The following CLCC1 variants were observed in gnomAD, a reference collection of about 807,000 sequenced individuals.
CLCC1 encodes chloride channel CLIC like 1.
CLCC1 carries 39 observed loss-of-function variants against 63.3 expected under a neutral mutation model. That is an observed-to-expected ratio of 0.62 (90% CI 0.48 to 0.81). The LOEUF is 0.81. Ranked by LOEUF, CLCC1 falls within the 30% of genes least tolerant of loss-of-function variation. The pLI, the probability that CLCC1 is intolerant of heterozygous loss-of-function variation, is 0.00. For missense variants in CLCC1, 549 were observed against 669.4 expected, an observed-to-expected ratio of 0.82 and a Z score of 1.98; for synonymous variants, 217 against 239.8, an observed-to-expected ratio of 0.90 and a Z score of 0.88.
intron 4 of CLCC1, 69 bp downstream of exon 4, chr1:108,949,751 G>A: frequency 2.5e-6 from 2 of 789,336 alleles, no homozygotes; most frequent in South Asian, 2.2e-5. Context: ...AAATTTATCA[G>A]CAGAGACAAG....
rs34131552 is a variant in CLCC1, at chr1:108,950,512, GTTA to G, written c.-11-67_-11-65del. ...TTTTTTTAAATAAATTGGGTTTTGG[GTTA>G]TTATTATTATTATTATTATTTTTAG... On this transcript the variant is annotated intron_variant, in intron 2 of 12. Transcript: ENST00000369969. The G allele has an allele frequency of 2.9e-3, 1,897 of 657,706 alleles. 1 individual carries two copies. The highest frequency in any genetic ancestry group is 5.9e-3 in the South Asian group (156 of 26,272). The allele number at this position is 657,706 out of a possible 1,614,324, so 40.7% of individuals were successfully genotyped here. A position where few individuals can be genotyped will look rare whatever the true frequency, so the allele number is the denominator to read the frequency against.
rs370742816 is a variant in CLCC1, at chr1:108,929,857, A to G, written c.*2690T>C. On this transcript the variant is annotated 3_prime_UTR_variant, in exon 13 of 13. Transcript: ENST00000369969. ...TTTACAAAGAGATCAAAACAGAGAC[A>G]CTGACTTTGGGCTAAAGGACTTTTT... is the stretch of plus-strand genomic sequence containing the variant. The G allele has an allele frequency of 4.3e-6, 7 of 1,613,940 alleles. No individual in the cohort carries two copies. The highest frequency in any genetic ancestry group is 5.1e-6 in the Non-Finnish European group (6 of 1,179,820).
chr1:108,937,244 G>A lies in CLCC1; in HGVS notation c.1216C>T (p.Pro406Ser), dbSNP rs2101626153. 6.2e-7 allele frequency: 1 copy of A among 1,614,052 alleles called. No homozygotes were observed. Residue 406 changes from proline to serine, a missense_variant, in exon 11 of 13, where the codon CCC becomes TCC. Physicochemically the swap from Pro to Ser is moderately conservative, Grantham distance 74. Transcript: ENST00000369969. Reference sequence around the variant, plus strand: ...TTGGCATAAGGGCCTTGCTCAGTGGGGCCCATTTGGCCCCTATAATGGAAA... The same window carrying A: ...TTGGCATAAGGGCCTTGCTCAGTGGAGCCCATTTGGCCCCTATAATGGAAA... ...ADFHYRGQMG[P>S]TEQGPYAKTY...
chr1:108,939,010 C>T (rs1431168889), intron 10 of CLCC1, among the ~76,000 whole-genome samples: 3 of 151,732 alleles, frequency 2.0e-5, no homozygotes, highest in African/African-American at 7.3e-5. Context: ...ATCGCCTTCT[C>T]ATTAAGCGTG....
chr1:108,946,436 A>T (rs1320046946), intron 5 of CLCC1, among the ~76,000 whole-genome samples: 1 of 152,190 alleles, frequency 6.6e-6, no homozygotes, highest in Non-Finnish European at 1.5e-5. Context: ...CAAATTACAG[A>T]GTGTACGTAT....
chr1:108,950,016 C>G, intron 3 of CLCC1, 95 bp from the exon 4 acceptor site: 1 of 764,962 alleles, frequency 1.3e-6, no homozygotes. Flanking sequence ...TTCATCATTT[C>G]ATGACTCTGC....
chr1:108,936,339 C>T (rs985427977), intron 11 of CLCC1, among the ~76,000 whole-genome samples: 2 of 152,152 alleles, frequency 1.3e-5, no homozygotes, highest in East Asian at 1.9e-4. Context: ...TCCAGTGATC[C>T]GCCTGCCTCG....
At chr1:108,956,623 T>C (rs1218765688) in intron 2 of CLCC1, among the ~76,000 whole-genome samples, 2 of 146,780 alleles carry the variant, frequency 1.4e-5, no homozygotes, top group African/African-American at 5.2e-5. Context: ...ATCACACCAC[T>C]GCACTCCAGC....
intron 4 of CLCC1, 98 bp from the exon 5 acceptor site, chr1:108,947,816 G>A (rs922909811): frequency 6.3e-6 from 5 of 788,288 alleles, no homozygotes; most frequent in African/African-American, 5.3e-5. Flanking sequence ...AAGGTAAGGA[G>A]CTAGTTGTTT....
chr1:108,959,939 G>A (rs1292821286), intron 2 of CLCC1, among the ~76,000 whole-genome samples: 4 of 152,158 alleles, frequency 2.6e-5, no homozygotes, highest in Admixed American at 6.6e-5. Context: ...ACACCAGCCT[G>A]GGCAACTTAG....
At chr1:108,943,210 C>T (rs1017410546) in intron 7 of CLCC1, among the ~76,000 whole-genome samples, 7 of 152,154 alleles carry the variant, frequency 4.6e-5, no homozygotes, top group African/African-American at 1.7e-4. Flanking sequence ...ACCCAACCCA[C>T]CTGGCTTTAT....
rs1352451518 is a variant in CLCC1, at chr1:108,961,630, C to T, written c.-12+679G>A. 5.3e-5 allele frequency among the ~76,000 whole-genome samples: 8 copies of T among 152,196 alleles called. No homozygotes were observed. In the South Asian group the frequency reaches 8.3e-4, roughly 16 times the overall value. On this transcript the variant is annotated intron_variant, in intron 2 of 12. Coordinates refer to ENST00000369969, the MANE Select transcript of CLCC1 (RefSeq NM_001377458.1). ...ATCCCAGCACCTTGGGAGGCCAAGG[C>T]GGGCGCATCACCTGAGGTTGGGAGC... is the stretch of plus-strand genomic sequence containing the variant.
intron 12 of CLCC1, 31 bp downstream of exon 12, chr1:108,934,591 AGAG>A (rs1304068560): frequency 6.7e-7 from 1 of 1,488,068 alleles, no homozygotes; most frequent in East Asian, 2.3e-5. Flanking sequence ...GAATTCTTGC[AGAG>A]AAGAGAAAGA....
At chr1:108,945,342 C>T (rs1654403174) in intron 5 of CLCC1, among the ~76,000 whole-genome samples, 1 of 152,058 alleles carries the variant, frequency 6.6e-6, no homozygotes, top group Non-Finnish European at 1.5e-5. Flanking sequence ...TAAAAAAAAT[C>T]ACCCCTCTCC....
At chr1:108,939,533 T>C (rs1320162175) in intron 10 of CLCC1, 103 bp downstream of exon 10, 3 of 942,090 alleles carry the variant, frequency 3.2e-6, no homozygotes, top group Non-Finnish European at 4.6e-6. Context: ...ATGGTCTCGA[T>C]CTCCTGACCT....
At chr1:108,940,632 A>C (rs1557893278) in intron 8 of CLCC1, among the ~76,000 whole-genome samples, 1 of 152,208 alleles carries the variant, frequency 6.6e-6, no homozygotes, top group Admixed American at 6.6e-5. Flanking sequence ...TTTTAATTTA[A>C]AAAGTCAGTT....
intron 10 of CLCC1, among the ~76,000 whole-genome samples, chr1:108,938,652 T>C (rs545902284): frequency 6.6e-6 from 1 of 152,310 alleles, no homozygotes; most frequent in Non-Finnish European, 1.5e-5. Context: ...TTCTTCTTAA[T>C]GTCTGCTCCT....
chr1:108,952,986 TTCC>T (rs1383694909), intron 2 of CLCC1, among the ~76,000 whole-genome samples: 3 of 152,146 alleles, frequency 2.0e-5, no homozygotes, highest in Non-Finnish European at 4.4e-5. Flanking sequence ...TAAAATTCAG[TTCC>T]TCATTCCCCC....
chr1:108,959,510 A>G (rs1656361002), intron 2 of CLCC1, among the ~76,000 whole-genome samples: 1 of 152,212 alleles, frequency 6.6e-6, no homozygotes, highest in Non-Finnish European at 1.5e-5. Flanking sequence ...TTCCAGCCAC[A>G]GTACATAACT....
Sources: allele counts gnomAD v4.1 joint callset (sites outside exome capture counted in the v4.1 genomes callset), GRCh38; gene constraint gnomAD v4.1.1; transcripts MANE v1.5; gene names NCBI Gene and HGNC (gene_info 2026-07-23, HGNC 2026-07-21).